Variants in ATP10B observed in about 807,000 individuals in gnomAD.
ATP10B encodes the protein phospholipid-transporting ATPase VB.
A neutral mutation model predicts 141.2 loss-of-function variants in ATP10B; 122 were observed. The ratio of observed to expected loss-of-function variants is 0.86; its 90% confidence interval spans 0.75 to 1.00. The LOEUF is 1.00. Ranked by LOEUF, ATP10B falls within the 50% of genes least tolerant of loss-of-function variation. ATP10B has a pLI of 0.00. For missense variants in ATP10B, 1,876 were observed against 1,825.3 expected, an observed-to-expected ratio of 1.03 and a Z score of -0.51; for synonymous variants, 685 against 692.0, an observed-to-expected ratio of 0.99 and a Z score of 0.16.
At chr5:160,741,816 G>T (rs1280580167) in intron 2 of ATP10B, among the ~76,000 whole-genome samples, 4 of 152,296 alleles carry the variant, frequency 2.6e-5, no homozygotes, top group African/African-American at 9.6e-5. Flanking sequence ...AGGTCTAATT[G>T]CTGTGCAGGG....
chr5:160,872,602 A>G, the ATP10B span, among the ~76,000 whole-genome samples: 1 of 152,122 alleles, frequency 6.6e-6, no homozygotes, highest in Non-Finnish European at 1.5e-5. Context: ...TGGATAGCCA[A>G]TTATCCTAGC....
intron 22 of ATP10B, among the ~76,000 whole-genome samples, chr5:160,596,141 C>A (rs1231061858): frequency 6.6e-6 from 1 of 152,020 alleles, no homozygotes; most frequent in Non-Finnish European, 1.5e-5. Flanking sequence ...CAAAAATCCT[C>A]AATAAAATAC....
intron 3 of ATP10B, among the ~76,000 whole-genome samples, chr5:160,713,983 C>T (rs1249134787): frequency 4.6e-5 from 2 of 43,852 alleles, no homozygotes; most frequent in African/African-American, 1.8e-4. Context: ...CCGAGAGATC[C>T]GCTGTTAGTT....
chr5:160,632,534 G>A, intron 12 of ATP10B, 167 bp from the exon 13 acceptor site: 1 of 580,368 alleles, frequency 1.7e-6, no homozygotes, highest in East Asian at 2.8e-5. Context: ...GTAAAACTAA[G>A]TCCCACAGAT....
intron 24 of ATP10B, among the ~76,000 whole-genome samples, chr5:160,577,756 T>C (rs973742409): frequency 1.3e-5 from 2 of 152,348 alleles, no homozygotes; most frequent in South Asian, 4.1e-4. Flanking sequence ...TGTTTATTGC[T>C]GGTTTCTAAT....
intron 1 of ATP10B, among the ~76,000 whole-genome samples, chr5:160,797,765 A>T (rs976246955): frequency 6.6e-6 from 1 of 151,990 alleles, no homozygotes; most frequent in Non-Finnish European, 1.5e-5. Context: ...AGAGAGAGAA[A>T]GCATTAACAT....
At chr5:160,569,046 T>C (rs1467398217) in intron 25 of ATP10B, among the ~76,000 whole-genome samples, 1 of 152,222 alleles carries the variant, frequency 6.6e-6, no homozygotes, top group Non-Finnish European at 1.5e-5. Context: ...TCTTTCCTTG[T>C]GGCCATGATA....
chr5:160,873,990 G>A, the ATP10B span, among the ~76,000 whole-genome samples: 2 of 152,242 alleles, frequency 1.3e-5, no homozygotes, highest in African/African-American at 2.4e-5. Flanking sequence ...GCTTGCTTAG[G>A]TAAACAAAGC....
intron 1 of ATP10B, among the ~76,000 whole-genome samples, chr5:160,827,668 G>A (rs1774734648): frequency 6.6e-6 from 1 of 152,096 alleles, no homozygotes; most frequent in Admixed American, 6.6e-5. Flanking sequence ...TGTTGAGAAG[G>A]GCATTTCCTA....
rs370540680 is a variant in ATP10B, at chr5:160,823,480, AC to A, written c.-576+28460del. 5.3e-4 allele frequency among the ~76,000 whole-genome samples: 81 copies of A among 152,286 alleles called. 1 individual carries two copies. In the South Asian group the frequency reaches 0.016, roughly 31 times the overall value. On this transcript the variant is annotated intron_variant, in intron 1 of 25. Coordinates refer to ENST00000327245, the MANE Select transcript of ATP10B (RefSeq NM_025153.3). ...GATGGGTTGATAGGTATGGCAAACC[AC>A]CGTGGCACACATTTACCTATGTAAC...
At chr5:160,595,718 C>T (rs533053250) in intron 22 of ATP10B, among the ~76,000 whole-genome samples, 67 of 151,994 alleles carry the variant, frequency 4.4e-4, no homozygotes, top group African/African-American at 1.3e-3. Flanking sequence ...ATATCACCAC[C>T]GATCCCACAG....
chr5:160,719,478 TTG>T (rs569100100), intron 2 of ATP10B, among the ~76,000 whole-genome samples: 162 of 152,316 alleles, frequency 1.1e-3, no homozygotes, highest in Non-Finnish European at 2.0e-3. Flanking sequence ...AATGCATGAT[TTG>T]TGTTTGTATG....
At position 160,802,746 on chromosome 5, in the gene ATP10B, A is replaced by G. The variant is rs570678107; in HGVS notation, c.-575-16943T>C. ...AGCCTCCTGAATGTGGAGACTGTAC[A>G]TTAGGGGGCAGCTTGGTTTCAGACT... On this transcript the variant is annotated intron_variant, in intron 1 of 25. Coordinates refer to ENST00000327245, the MANE Select transcript of ATP10B (RefSeq NM_025153.3). Among the ~76,000 whole-genome samples, 6 of 152,290 alleles carry G rather than the reference A, an allele frequency of 3.9e-5. No individual in the cohort carries two copies. The South Asian group carries it at 1.2e-3, about 32-fold the overall frequency.
chr5:160,850,885 G>A (rs1003367569), intron 1 of ATP10B, among the ~76,000 whole-genome samples: 8 of 152,186 alleles, frequency 5.3e-5, no homozygotes, highest in Non-Finnish European at 8.8e-5. Context: ...GTCATCAATG[G>A]ATGAAATGAC....
chr5:160,665,151 T>C (rs1762249658), intron 7 of ATP10B, among the ~76,000 whole-genome samples: 1 of 151,706 alleles, frequency 6.6e-6, no homozygotes, highest in African/African-American at 2.4e-5. Context: ...AAAGTTCCAA[T>C]GAAAAAAAAA....
intron 1 of ATP10B, among the ~76,000 whole-genome samples, chr5:160,795,920 A>C (rs1419893273): frequency 6.6e-6 from 1 of 152,134 alleles, no homozygotes; most frequent in Non-Finnish European, 1.5e-5. Context: ...TGTTTTAGCC[A>C]ACAAGTTTGT....
At chr5:160,742,107 T>A (rs1321632606) in intron 2 of ATP10B, among the ~76,000 whole-genome samples, 5 of 152,172 alleles carry the variant, frequency 3.3e-5, no homozygotes, top group Admixed American at 3.3e-4. Context: ...TGACTCTTAG[T>A]CTATTGGGTT....
chr5:160,693,587 GGAA>G (rs1278036626), intron 3 of ATP10B, among the ~76,000 whole-genome samples: 1 of 152,118 alleles, frequency 6.6e-6, no homozygotes, highest in Non-Finnish European at 1.5e-5. Flanking sequence ...TCCAGAAACG[GGAA>G]GAAGTTCCTG....
At chr5:160,668,284 G>A (rs1184469118) in intron 7 of ATP10B, among the ~76,000 whole-genome samples, 2 of 151,642 alleles carry the variant, frequency 1.3e-5, no homozygotes, top group East Asian at 3.9e-4. Context: ...TGCCTTGCAT[G>A]TGGTGAGGCT....
Sources: allele counts gnomAD v4.1 joint callset (sites outside exome capture counted in the v4.1 genomes callset), GRCh38; gene constraint gnomAD v4.1.1; transcripts MANE v1.5; gene names NCBI Gene and HGNC (gene_info 2026-07-23, HGNC 2026-07-21).